Variants in LHFPL3 observed in about 807,000 individuals in gnomAD.
LHFPL3 encodes LHFPL tetraspan subfamily member 3 protein.
Under a neutral mutation model 19.3 loss-of-function variants are expected in LHFPL3, and 5 were observed. The ratio of observed to expected loss-of-function variants is 0.26; its 90% CI spans 0.14 to 0.54. LHFPL3 has a LOEUF of 0.54. Ranked by LOEUF, LHFPL3 falls within the 20% of genes least tolerant of loss-of-function variation. The probability of loss-of-function intolerance (pLI) is 0.94; values close to 1 mark genes in which losing one functional copy is unlikely to be tolerated. For synonymous variants in LHFPL3, 133 were observed against 126.2 expected, an observed-to-expected ratio of 1.05 and a Z score of -0.36; for missense variants, 249 against 307.4, an observed-to-expected ratio of 0.81 and a Z score of 1.42.
At chr7:104,790,198 C>G (rs35708701) in intron 2 of LHFPL3, among the ~76,000 whole-genome samples, 19,872 of 152,162 alleles carry the variant, frequency 0.13, 1,705 homozygotes, top group East Asian at 0.45. Flanking sequence ...GATATTAAAG[C>G]TTTAAGGGAT....
intron 1 of LHFPL3, among the ~76,000 whole-genome samples, chr7:104,362,091 G>A (rs1002120095): frequency 1.3e-5 from 2 of 152,200 alleles, no homozygotes; most frequent in Non-Finnish European, 2.9e-5. Context: ...GATGTTCCTG[G>A]GTTCTAGTTG....
At position 104,381,636 on chromosome 7, in the gene LHFPL3, T is replaced by G. The variant is rs538498003; in HGVS notation, c.445+52412T>G. ...CACTGCACTAGTTCTGGATATAAAGTTGTGAGTAAAACAGAGGTGGTTCCT... is the reference window on the plus strand; with the variant it reads ...CACTGCACTAGTTCTGGATATAAAGGTGTGAGTAAAACAGAGGTGGTTCCT... On this transcript the variant is annotated intron_variant, in intron 1 of 2. Coordinates refer to ENST00000424859, the MANE Select transcript of LHFPL3 (RefSeq NM_199000.3). 2.0e-5 allele frequency among the ~76,000 whole-genome samples: 3 copies of G among 152,224 alleles called. No individual in the cohort carries two copies. In the East Asian group the frequency reaches 5.8e-4, roughly 29 times the overall value.
chr7:104,539,863 T>C (rs1223273791), intron 1 of LHFPL3, among the ~76,000 whole-genome samples: 1 of 152,212 alleles, frequency 6.6e-6, no homozygotes, highest in African/African-American at 2.4e-5. Flanking sequence ...GCTGTTGTTA[T>C]GAAACTTTCT....
chr7:104,486,326 A>G (rs57498870), intron 1 of LHFPL3, among the ~76,000 whole-genome samples: 9,775 of 152,204 alleles, frequency 0.064, 821 homozygotes, highest in African/African-American at 0.2. Context: ...TTTCTTCTTG[A>G]TTACGACTGT....
intron 1 of LHFPL3, among the ~76,000 whole-genome samples, chr7:104,430,968 A>G (rs986085664): frequency 1.3e-5 from 2 of 152,186 alleles, no homozygotes; most frequent in African/African-American, 4.8e-5. Flanking sequence ...CATACAGACC[A>G]GATGATAAAT....
chr7:104,417,877 TCTTC>T (rs1464038698), intron 1 of LHFPL3, among the ~76,000 whole-genome samples: 14 of 125,772 alleles, frequency 1.1e-4, no homozygotes, highest in African/African-American at 4.0e-4. Context: ...TTCTTCTTCT[TCTTC>T]TTCTTTTTTT....
intron 1 of LHFPL3, among the ~76,000 whole-genome samples, chr7:104,592,168 G>A (rs375523386): frequency 1.3e-5 from 2 of 152,300 alleles, no homozygotes; most frequent in East Asian, 1.9e-4. Flanking sequence ...TGCTGGTGAG[G>A]AGCTGCTTTC....
chr7:104,704,425 T>C (rs1176912007), intron 1 of LHFPL3, among the ~76,000 whole-genome samples: 1 of 152,198 alleles, frequency 6.6e-6, no homozygotes, highest in East Asian at 1.9e-4. Flanking sequence ...GTTTTAACCA[T>C]ACATTTTACA....
intron 2 of LHFPL3, among the ~76,000 whole-genome samples, chr7:104,811,166 C>CTTTCTTTCT (rs1554346771): frequency 1.1e-4 from 2 of 18,026 alleles, no homozygotes; most frequent in African/African-American, 1.3e-4. Flanking sequence ...TTCTTTCTTT[C>CTTTCTTTCT]TTTCTTTTCT....
At chr7:104,583,213 G>T (rs984757274) in intron 1 of LHFPL3, among the ~76,000 whole-genome samples, 51 of 152,178 alleles carry the variant, frequency 3.4e-4, no homozygotes, top group African/African-American at 1.1e-3. Context: ...AATGGGGAAA[G>T]GATTCCCTAT....
chr7:104,606,447 G>A (rs1157329519), intron 1 of LHFPL3, among the ~76,000 whole-genome samples: 1 of 152,200 alleles, frequency 6.6e-6, no homozygotes, highest in Non-Finnish European at 1.5e-5. Flanking sequence ...TATTTGAAAT[G>A]CTCTGTCTTT....
At chr7:104,812,435 G>T (rs1341996146) in intron 2 of LHFPL3, among the ~76,000 whole-genome samples, 1 of 152,000 alleles carries the variant, frequency 6.6e-6, no homozygotes, top group Non-Finnish European at 1.5e-5. Context: ...GTGAAAGAAG[G>T]GAAACATAAA....
intron 2 of LHFPL3, among the ~76,000 whole-genome samples, chr7:104,784,491 C>A (rs1173238935): frequency 6.6e-6 from 1 of 152,118 alleles, no homozygotes; most frequent in South Asian, 2.1e-4. Flanking sequence ...TCTTTCCAGA[C>A]AGAATTAGAA....
chr7:104,495,383 A>G, intron 1 of LHFPL3, among the ~76,000 whole-genome samples: 1 of 152,058 alleles, frequency 6.6e-6, no homozygotes, highest in East Asian at 1.9e-4. Flanking sequence ...ATTTAAAAAA[A>G]AAATTTTTTT....
intron 1 of LHFPL3, among the ~76,000 whole-genome samples, chr7:104,665,534 G>A (rs1241794883): frequency 3.9e-5 from 6 of 151,978 alleles, no homozygotes; most frequent in East Asian, 3.8e-4. Context: ...TGTGCATAAC[G>A]CCGGCTTTGT....
chr7:104,845,547 G>A (rs1011436051), intron 2 of LHFPL3: 18 of 1,156,314 alleles, frequency 1.6e-5, no homozygotes, highest in East Asian at 2.8e-5. Context: ...CACTTGAGCC[G>A]CATGAAACTG....
chr7:104,641,169 G>A (rs1283739779), intron 1 of LHFPL3, among the ~76,000 whole-genome samples: 1 of 152,162 alleles, frequency 6.6e-6, no homozygotes, highest in Non-Finnish European at 1.5e-5. Context: ...CAAGTGGGAT[G>A]CCATGTAACT....
intron 1 of LHFPL3, among the ~76,000 whole-genome samples, chr7:104,522,046 C>G (rs1176933910): frequency 6.6e-6 from 1 of 151,976 alleles, no homozygotes; most frequent in African/African-American, 2.4e-5. Context: ...GGTATATACC[C>G]AAAGGACTAT....
In LHFPL3 at chr7:104,722,304, G is replaced by A. The variant is rs117807248; in HGVS notation, c.446-14371G>A. 4.0e-4 allele frequency among the ~76,000 whole-genome samples: 61 copies of A among 152,296 alleles called. No individual in the cohort carries two copies. The East Asian group carries it at 0.01, about 26-fold the overall frequency. On this transcript the variant is annotated intron_variant, in intron 1 of 2. Coordinates refer to ENST00000424859, the MANE Select transcript of LHFPL3 (RefSeq NM_199000.3). ...TTTTAGTTGAACAAACTGGAGCTACGTATTTTGGCACAGCAGAGAGGCTTT... is the reference window on the plus strand; with the variant it reads ...TTTTAGTTGAACAAACTGGAGCTACATATTTTGGCACAGCAGAGAGGCTTT...
Sources: gnomAD v4.1 joint callset for allele counts (sites outside exome capture counted in the v4.1 genomes callset) on GRCh38, gnomAD v4.1.1 for gene constraint, MANE v1.5 for transcripts, NCBI Gene and HGNC (gene_info 2026-07-23, HGNC 2026-07-21) for gene names.